DAB2: variants seen among roughly 807,000 people sequenced by gnomAD.
DAB2 encodes DAB adaptor protein 2.
DAB2 carries 28 observed loss-of-function variants against 71.6 expected under a neutral mutation model. The observed-to-expected ratio is 0.39, with a 90% CI of 0.29 to 0.54. The LOEUF (loss-of-function observed/expected upper bound fraction) is 0.54. Ranked by LOEUF, DAB2 falls within the 20% of genes least tolerant of loss-of-function variation. The probability of loss-of-function intolerance (pLI) is 0.68; values close to 1 mark genes in which losing one functional copy is unlikely to be tolerated. For synonymous variants in DAB2, 345 were observed against 339.7 expected, an observed-to-expected ratio of 1.02 and a Z score of -0.17; for missense variants, 867 against 928.8, an observed-to-expected ratio of 0.93 and a Z score of 0.86.
At chr5:39,404,460 T>TAA (rs574569850) in intron 1 of DAB2, among the ~76,000 whole-genome samples, 24,434 of 126,754 alleles carry the variant, frequency 0.19, 2,483 homozygotes, top group Non-Finnish European at 0.24. Flanking sequence ...TATTATTATC[T>TAA]AAAAAAAAAA....
chr5:39,413,998 A>G (rs892205405), intron 1 of DAB2, among the ~76,000 whole-genome samples: 2 of 152,198 alleles, frequency 1.3e-5, no homozygotes, highest in Admixed American at 6.5e-5. Flanking sequence ...CTTTCATCTT[A>G]GGCATCATTA....
chr5:39,423,259 G>A, intron 1 of DAB2, among the ~76,000 whole-genome samples: 1 of 6,310 alleles, frequency 1.6e-4, no homozygotes, highest in Admixed American at 1.1e-3. Context: ...GGAAGAAGTG[G>A]TCTGTCCCAG....
Position 39,376,928 on chromosome 5 carries a change from G to GGAGGAGTGACCAGGAGA in DAB2, c.1842_1858dup (p.Pro620LeufsTer27). 3 of 1,614,172 alleles carry GGAGGAGTGACCAGGAGA rather than the reference G, an allele frequency of 1.9e-6. No individual in the cohort carries two copies. On this transcript the variant is annotated frameshift_variant, in exon 12 of 15. Transcript: ENST00000320816. LOFTEE classifies it high-confidence loss of function. ...AGGGCCAGCTCTGGGAGGTGGCTGA[G>GGAGGAGTGACCAGGAGA]GAGGAGTGACCAGGAGAGAGGAGTG...
chr5:39,386,569 G>A (rs1302252602), intron 9 of DAB2, among the ~76,000 whole-genome samples: 1 of 152,106 alleles, frequency 6.6e-6, no homozygotes, highest in African/African-American at 2.4e-5. Context: ...TTTATTGTTA[G>A]TTTAACTAAA....
intron 1 of DAB2, among the ~76,000 whole-genome samples, chr5:39,405,578 G>A (rs1755591638): frequency 6.6e-6 from 1 of 152,202 alleles, no homozygotes; most frequent in African/African-American, 2.4e-5. Context: ...AGCTGGGTAG[G>A]ACAATGTTGT....
intron 1 of DAB2, chr5:39,423,900 A>G (rs1007929185): frequency 6.6e-6 from 1 of 151,990 alleles, no homozygotes; most frequent in Non-Finnish European, 1.5e-5. Context: ...AACAAAAACT[A>G]AAAAGAAAGG....
At chr5:39,421,024 G>T (rs1755971943) in intron 1 of DAB2, among the ~76,000 whole-genome samples, 2 of 152,232 alleles carry the variant, frequency 1.3e-5, no homozygotes, top group Admixed American at 1.3e-4. Flanking sequence ...ACTTCAGGGG[G>T]AAGGATTGCT....
rs1464323399 is a variant in DAB2, at chr5:39,388,325, G to C, written c.667C>G (p.Pro223Ala). 1.2e-6 allele frequency: 2 copies of C among 1,612,430 alleles called. No individual in the cohort carries two copies. The highest frequency in any genetic ancestry group is 4.5e-5 in the East Asian group (2 of 44,766). ...MDLFGDMSTP[P>A]DLNSPTESKD... Reference sequence around the variant, plus strand: ...CTTACTGTTGGACTATTTAGGTCAGGAGGTGTAGACATGTCCCCAAACAAA... The same window carrying C: ...CTTACTGTTGGACTATTTAGGTCAGCAGGTGTAGACATGTCCCCAAACAAA... The change falls in exon 9 of 15, where the codon CCT (proline) becomes GCT (alanine). Residue 223 changes from proline (P) to alanine (A), a missense_variant. This residue lies in a region of DAB2 where 740 missense variants were observed against 734.3 expected (regional missense o/e 1.01). Coordinates refer to ENST00000320816, the MANE Select transcript of DAB2 (RefSeq NM_001343.4).
At chr5:39,405,556 A>G (rs1239898815) in intron 1 of DAB2, among the ~76,000 whole-genome samples, 2 of 152,230 alleles carry the variant, frequency 1.3e-5, no homozygotes, top group African/African-American at 4.8e-5. Context: ...TGAGTTTCAT[A>G]TATCTCAAGC....
rs1579902363 is a variant in DAB2, at chr5:39,381,749, A to G, written c.1342-133T>C. 2.1e-5 allele frequency: 17 copies of G among 819,082 alleles called. No individual in the cohort carries two copies. The East Asian group carries it at 4.2e-4, about 20-fold the overall frequency. 50.7% of individuals were successfully genotyped at this position (819,082 alleles called of 1,614,324 possible). The stretch of plus-strand genomic sequence containing the variant: ...AAACTTTTTTCTTGACAGATGAACA[A>G]CAACAACTACTACTACAGAAAAAGA... On this transcript the variant is annotated intron_variant, in intron 10 of 14. Coordinates refer to ENST00000320816, the MANE Select transcript of DAB2 (RefSeq NM_001343.4).
chr5:39,421,068 A>C (rs1468382387), intron 1 of DAB2, among the ~76,000 whole-genome samples: 2 of 152,106 alleles, frequency 1.3e-5, no homozygotes, highest in South Asian at 2.1e-4. Context: ...GGGTGTGGGG[A>C]GGACTTAATT....
chr5:39,415,903 A>G (rs1321976143), intron 1 of DAB2, among the ~76,000 whole-genome samples: 1 of 152,180 alleles, frequency 6.6e-6, no homozygotes, highest in African/African-American at 2.4e-5. Context: ...TCGTATGCAG[A>G]TATACCTAAA....
At chr5:39,400,600 T>C (rs1422935468) in intron 1 of DAB2, among the ~76,000 whole-genome samples, 1 of 152,182 alleles carries the variant, frequency 6.6e-6, no homozygotes, top group Non-Finnish European at 1.5e-5. Context: ...CATAAGCCAT[T>C]GGGCTCAAAG....
intron 1 of DAB2, among the ~76,000 whole-genome samples, chr5:39,420,396 C>A (rs1755952191): frequency 6.6e-6 from 1 of 152,132 alleles, no homozygotes; most frequent in South Asian, 2.1e-4. Context: ...TGCTTCAAAT[C>A]CAGCATTCTA....
intron 11 of DAB2, among the ~76,000 whole-genome samples, chr5:39,381,243 C>G (rs770937845): frequency 6.6e-6 from 1 of 152,120 alleles, no homozygotes; most frequent in Non-Finnish European, 1.5e-5. Context: ...AATTTCTTGT[C>G]TCATGCTGCC....
At chr5:39,399,601 T>C (rs1755450856) in intron 1 of DAB2, among the ~76,000 whole-genome samples, 1 of 152,202 alleles carries the variant, frequency 6.6e-6, no homozygotes, top group Non-Finnish European at 1.5e-5. Flanking sequence ...CCTGAAAGAA[T>C]GCAGAGACTT....
intron 1 of DAB2, among the ~76,000 whole-genome samples, chr5:39,405,849 C>A (rs140342203): frequency 6.6e-6 from 1 of 152,116 alleles, no homozygotes; most frequent in East Asian, 1.9e-4. Context: ...AATGTCATCT[C>A]GAACCACCTC....
intron 9 of DAB2, among the ~76,000 whole-genome samples, chr5:39,386,512 CCTT>C (rs1194170676): frequency 7.9e-5 from 12 of 152,032 alleles, no homozygotes; most frequent in African/African-American, 2.9e-4. Flanking sequence ...GATCTGTTAG[CCTT>C]CTTTTGGTTA....
intron 1 of DAB2, among the ~76,000 whole-genome samples, chr5:39,399,779 T>A (rs966076845): frequency 4.6e-5 from 7 of 152,250 alleles, no homozygotes; most frequent in African/African-American, 1.7e-4. Context: ...TGCTTAGTCC[T>A]TAGTGATTCA....
Sources: allele counts gnomAD v4.1 joint callset (sites outside exome capture counted in the v4.1 genomes callset), GRCh38; gene constraint gnomAD v4.1.1; regional missense constraint gnomAD v4.1.1; transcripts MANE v1.5; gene names NCBI Gene and HGNC (gene_info 2026-07-23, HGNC 2026-07-21).